The following CLGN variants were observed in gnomAD, a reference collection of about 807,000 sequenced individuals.
CLGN encodes calmegin.
CLGN carries 62 observed loss-of-function variants against 79.1 expected under a neutral mutation model. That is an observed-to-expected ratio of 0.78 (90% CI 0.64 to 0.97). The LOEUF is 0.97. Among genes scored for constraint, CLGN ranks in the 50% least tolerant of loss-of-function variants. The pLI, the probability that CLGN is intolerant of heterozygous loss-of-function variation, is 0.00. For synonymous variants in CLGN, 225 were observed against 224.7 expected (o/e 1.00, Z -0.01); for missense variants, 647 against 715.5 (o/e 0.90, Z 1.09).
intron 5 of CLGN, among the ~76,000 whole-genome samples, chr4:140,405,571 G>A (rs538779392): frequency 1.3e-5 from 2 of 152,294 alleles, no homozygotes; most frequent in East Asian, 3.9e-4. Context: ...ATATATTACA[G>A]TATATATCAC....
At chr4:140,394,587 T>C (rs116206701) in intron 10 of CLGN, among the ~76,000 whole-genome samples, 432 of 152,310 alleles carry the variant, frequency 2.8e-3, no homozygotes, top group African/African-American at 0.01. Flanking sequence ...CCATCACATG[T>C]ATGTATTCTG....
intron 12 of CLGN, 91 bp downstream of exon 12, chr4:140,392,489 ATTTAGT>A: frequency 6.7e-7 from 1 of 1,486,624 alleles, no homozygotes; most frequent in Non-Finnish European, 9.0e-7. Context: ...CTTATGAGAC[ATTTAGT>A]TTATTACTTT....
At chr4:140,397,822 T>C (rs1209936968) in intron 8 of CLGN, among the ~76,000 whole-genome samples, 3 of 152,152 alleles carry the variant, frequency 2.0e-5, no homozygotes, top group Non-Finnish European at 4.4e-5. Flanking sequence ...GAGAATCCCT[T>C]GAACCCAGGA....
rs779196257 is a variant in CLGN, at chr4:140,400,417, GT to G, written c.633del (p.Lys211AsnfsTer5). The G allele has an allele frequency of 6.2e-6, 10 of 1,613,132 alleles. No homozygotes were observed. The highest frequency in any genetic ancestry group is 5.3e-5 in the African/African-American group (4 of 74,894). The part of the protein sequence containing the change: ...KTGVFEEKHA[K>X]PPDVDLKKFF... The stretch of plus-strand genomic sequence containing the variant: ...AACTTTTTAAGGTCTACATCTGGAG[GT>G]TTGGCATGTTTCTCTTCGAAAACTC... On this transcript the variant is annotated frameshift_variant, in exon 7 of 15. Transcript: ENST00000325617. LOFTEE classifies it high-confidence loss of function.
chr4:140,408,179 C>A (rs559176823), intron 4 of CLGN, among the ~76,000 whole-genome samples: 2 of 152,134 alleles, frequency 1.3e-5, no homozygotes, highest in East Asian at 3.9e-4. Context: ...AAAATCAACT[C>A]AAGATGGATT....
At chr4:140,416,350 T>A in intron 1 of CLGN, among the ~76,000 whole-genome samples, 1 of 113,134 alleles carries the variant, frequency 8.8e-6, no homozygotes, top group African/African-American at 3.5e-5. Context: ...ATAACTAAAA[T>A]CAGAGCAGAA....
rs540557107 is a variant in CLGN at position 140,396,876 on chromosome 4, T to C, written c.885-671A>G. Among the ~76,000 whole-genome samples, 192 of 58,586 alleles carry C rather than the reference T, an allele frequency of 3.3e-3. 1 individual carries two copies. The highest frequency in any genetic ancestry group is 0.012 in the South Asian group (16 of 1,312). The allele number at this position is 58,586 out of a possible 152,430, so 38.4% of individuals were successfully genotyped here. ...CCTGGCTGGAGCATATATATATACA[T>C]ATATATATATATATGTATATATATA... On this transcript the variant is annotated intron_variant, in intron 8 of 14. Coordinates refer to ENST00000325617, the MANE Select transcript of CLGN (RefSeq NM_004362.3).
intron 4 of CLGN, among the ~76,000 whole-genome samples, 169 bp from the exon 5 acceptor site, chr4:140,406,252 C>CT (rs139198063): frequency 0.032 from 4,776 of 151,568 alleles, 248 homozygotes; most frequent in African/African-American, 0.11. Flanking sequence ...GCTCATTTAT[C>CT]TTTTTTTTTC....
chr4:140,401,598 C>T (rs1422406952), intron 6 of CLGN, among the ~76,000 whole-genome samples: 1 of 152,108 alleles, frequency 6.6e-6, no homozygotes, highest in East Asian at 1.9e-4. Context: ...GGGTTGCTAA[C>T]CCCTTTTAAT....
At chr4:140,399,733 C>T (rs1728964361) in intron 7 of CLGN, among the ~76,000 whole-genome samples, 1 of 152,164 alleles carries the variant, frequency 6.6e-6, no homozygotes, top group Non-Finnish European at 1.5e-5. Flanking sequence ...CAGAGCTCTA[C>T]AGCCATTATA....
intron 1 of CLGN, among the ~76,000 whole-genome samples, chr4:140,417,913 A>G (rs1729377137): frequency 6.6e-6 from 1 of 152,106 alleles, no homozygotes; most frequent in African/African-American, 2.4e-5. Flanking sequence ...AAGCCAAAAG[A>G]ATAAAGCTGG....
chr4:140,391,075 T>C (rs1002967940), intron 13 of CLGN, among the ~76,000 whole-genome samples: 1 of 151,772 alleles, frequency 6.6e-6, no homozygotes, highest in African/African-American at 2.4e-5. Flanking sequence ...TATTTACTTA[T>C]GTTTGTTCTC....
intron 10 of CLGN, among the ~76,000 whole-genome samples, chr4:140,394,658 T>A (rs1210661508): frequency 6.6e-6 from 1 of 152,048 alleles, no homozygotes; most frequent in Non-Finnish European, 1.5e-5. Flanking sequence ...GAGTTTAAAG[T>A]CAAATAAAAG....
intron 1 of CLGN, among the ~76,000 whole-genome samples, chr4:140,425,948 C>T (rs919693358): frequency 6.6e-6 from 1 of 151,968 alleles, no homozygotes; most frequent in Non-Finnish European, 1.5e-5. Context: ...TCTCAACACA[C>T]CTATTTAACA....
intron 5 of CLGN, among the ~76,000 whole-genome samples, chr4:140,405,479 C>T (rs1034851402): frequency 6.6e-5 from 10 of 151,908 alleles, no homozygotes; most frequent in South Asian, 2.1e-4. Flanking sequence ...CCACCGCGCC[C>T]GGCGATAACA....
intron 14 of CLGN, among the ~76,000 whole-genome samples, chr4:140,389,879 G>C (rs1250976219): frequency 1.3e-5 from 2 of 151,834 alleles, no homozygotes. Flanking sequence ...TCACATGCAA[G>C]AGCAGGCAGA....
At chr4:140,413,627 C>G (rs993835715) in intron 1 of CLGN, among the ~76,000 whole-genome samples, 3 of 152,220 alleles carry the variant, frequency 2.0e-5, no homozygotes, top group African/African-American at 7.2e-5. Context: ...TCACTCCCAC[C>G]GGAATACTGC....
At chr4:140,417,774 G>C (rs1415427044) in intron 1 of CLGN, among the ~76,000 whole-genome samples, 2 of 150,084 alleles carry the variant, frequency 1.3e-5, no homozygotes, top group African/African-American at 4.9e-5. Context: ...TGGCCATACT[G>C]CCCAAGGTAA....
chr4:140,406,124 C>T, intron 4 of CLGN, 41 bp from the exon 5 acceptor site: 1 of 1,581,304 alleles, frequency 6.3e-7, no homozygotes, highest in Non-Finnish European at 8.6e-7. Flanking sequence ...AAACAGAAAA[C>T]ATTGACCTAA....
Sources: allele counts gnomAD v4.1 joint callset (sites outside exome capture counted in the v4.1 genomes callset), GRCh38; gene constraint gnomAD v4.1.1; transcripts MANE v1.5; gene names NCBI Gene and HGNC (gene_info 2026-07-23, HGNC 2026-07-21).